The following PTPRM variants were observed in gnomAD, a reference collection of about 807,000 sequenced individuals.
The protein encoded by PTPRM is protein tyrosine phosphatase receptor type M, also known as receptor-type tyrosine-protein phosphatase mu.
A neutral mutation model predicts 186.7 loss-of-function variants in PTPRM; 47 were observed. The observed-to-expected ratio is 0.25, with a 90% CI of 0.20 to 0.32. The LOEUF (loss-of-function observed/expected upper bound fraction) is 0.32, where lower values mean the gene tolerates loss of function less well. Ranked by LOEUF, PTPRM falls within the 10% of genes least tolerant of loss-of-function variation. PTPRM has a pLI of 1.00. For missense variants in PTPRM, 1,494 were observed against 1,865.0 expected (o/e 0.80, Z 3.66); for synonymous variants, 668 against 674.9 (o/e 0.99, Z 0.16).
At chr18:7,852,102 G>C (rs2046888726) in intron 2 of PTPRM, among the ~76,000 whole-genome samples, 3 of 152,124 alleles carry the variant, frequency 2.0e-5, no homozygotes, top group Non-Finnish European at 4.4e-5. Context: ...GAGCAGTAAA[G>C]GGGAGATAAA....
At chr18:8,177,487 A>G (rs569798244) in intron 14 of PTPRM, among the ~76,000 whole-genome samples, 1 of 152,334 alleles carries the variant, frequency 6.6e-6, no homozygotes, top group African/African-American at 2.4e-5. Context: ...CTTATTTGAA[A>G]GTGATCTGAT....
chr18:8,347,763 G>A (rs140753478), intron 23 of PTPRM, among the ~76,000 whole-genome samples: 1 of 151,930 alleles, frequency 6.6e-6, no homozygotes, highest in African/African-American at 2.4e-5. Context: ...TAAGTCCGTA[G>A]ATTTAAAGTA....
At chr18:8,065,955 C>G (rs2089037834) in intron 7 of PTPRM, among the ~76,000 whole-genome samples, 1 of 152,108 alleles carries the variant, frequency 6.6e-6, no homozygotes, top group South Asian at 2.1e-4. Context: ...TCAGAGTGTT[C>G]AGTGATCATC....
intron 7 of PTPRM, among the ~76,000 whole-genome samples, chr18:8,038,826 T>C: frequency 6.6e-6 from 1 of 152,192 alleles, no homozygotes; most frequent in East Asian, 1.9e-4. Context: ...CCTACCCCAG[T>C]TTTAATTCTG....
At chr18:8,031,173 A>G (rs1446332836) in intron 7 of PTPRM, among the ~76,000 whole-genome samples, 1 of 152,236 alleles carries the variant, frequency 6.6e-6, no homozygotes, top group Admixed American at 6.5e-5. Context: ...CACTTTAGTT[A>G]GCACATGCTA....
chr18:8,303,754 C>G (rs1277836464), intron 20 of PTPRM, among the ~76,000 whole-genome samples: 1 of 152,176 alleles, frequency 6.6e-6, no homozygotes, highest in Non-Finnish European at 1.5e-5. Flanking sequence ...GAGCCACCAT[C>G]ATCGAACTCA....
chr18:8,056,670 C>T (rs1385045684), intron 7 of PTPRM, among the ~76,000 whole-genome samples: 1 of 150,686 alleles, frequency 6.6e-6, no homozygotes, highest in African/African-American at 2.4e-5. Flanking sequence ...TGCTTATTTA[C>T]ATTTAACTGG....
At chr18:7,972,070 A>T (rs1278569796) in intron 7 of PTPRM, among the ~76,000 whole-genome samples, 1 of 80,808 alleles carries the variant, frequency 1.2e-5, no homozygotes, top group Non-Finnish European at 2.1e-5. Flanking sequence ...CCAAATGTCC[A>T]ACAATGATAG....
chr18:8,178,167 T>G (rs2093514352), intron 14 of PTPRM, among the ~76,000 whole-genome samples: 1 of 152,148 alleles, frequency 6.6e-6, no homozygotes, highest in African/African-American at 2.4e-5. Context: ...ATTAGAATAT[T>G]AATCCAAATT....
In PTPRM at chr18:8,378,395, A is replaced by C; in HGVS notation, c.3593A>C (p.Gln1198Pro). 1.2e-6 allele frequency: 2 copies of C among 1,614,104 alleles called. No individual in the cohort carries two copies. Among genetic ancestry groups the C allele is most frequent in the Non-Finnish European group, 1.7e-6 (2 of 1,179,968 alleles). The part of the protein sequence containing the change: ...NKLDPQTNSS[Q>P]IKEEFRTLNM... ...CTGGATCCACAGACAAACTCAAGCCAGATTAAAGAGGAATTCCGGGTAAGT... is the reference window on the plus strand; with the variant it reads ...CTGGATCCACAGACAAACTCAAGCCCGATTAAAGAGGAATTCCGGGTAAGT... Residue 1198 changes from glutamine to proline, a missense_variant, in exon 27 of 33, where the codon CAG (glutamine) becomes CCG (proline). Transcript: ENST00000580170.
At chr18:7,916,821 T>C (rs2050587927) in intron 4 of PTPRM, among the ~76,000 whole-genome samples, 1 of 152,154 alleles carries the variant, frequency 6.6e-6, no homozygotes, top group Non-Finnish European at 1.5e-5. Context: ...TATTAATAGG[T>C]ATTTGCAAAT....
At chr18:7,663,586 G>T (rs1413432735) in intron 1 of PTPRM, among the ~76,000 whole-genome samples, 2 of 152,206 alleles carry the variant, frequency 1.3e-5, no homozygotes, top group Non-Finnish European at 2.9e-5. Context: ...AGGGTTCCGT[G>T]GGGGAAGGCT....
intron 7 of PTPRM, among the ~76,000 whole-genome samples, chr18:7,993,672 A>G (rs2083382047): frequency 6.6e-6 from 1 of 152,154 alleles, no homozygotes; most frequent in South Asian, 2.1e-4. Flanking sequence ...TTCCTAGACA[A>G]ACAAAAACTG....
Position 8,376,218 on chromosome 18 carries a change from G to C in PTPRM, c.3326+18G>C, listed in dbSNP as rs780695299. On this transcript the variant is annotated intron_variant, in intron 25 of 32. Transcript: ENST00000580170. The stretch of plus-strand genomic sequence containing the variant: ...CACTGCAGGTAAGCAGAGCTCCAGA[G>C]CCTCTTGAAGGAAACGCAGTGGGTG... 6.2e-7 allele frequency: 1 copy of C among 1,604,680 alleles called. No individual in the cohort carries two copies. Among genetic ancestry groups the C allele is most frequent in the Non-Finnish European group, 8.5e-7 (1 of 1,174,730 alleles).
chr18:7,653,361 T>G (rs2038768442), intron 1 of PTPRM, among the ~76,000 whole-genome samples: 2 of 152,036 alleles, frequency 1.3e-5, no homozygotes, highest in African/African-American at 4.8e-5. Flanking sequence ...GTGTATAGCT[T>G]TGTTATATAG....
chr18:8,097,441 C>A (rs1450595878), intron 11 of PTPRM, among the ~76,000 whole-genome samples: 1 of 152,114 alleles, frequency 6.6e-6, no homozygotes, highest in Non-Finnish European at 1.5e-5. Flanking sequence ...GAGCTCTGTC[C>A]AGTTATTAGT....
chr18:8,305,754 C>T (rs1013529786), intron 20 of PTPRM, among the ~76,000 whole-genome samples: 1 of 152,196 alleles, frequency 6.6e-6, no homozygotes, highest in African/African-American at 2.4e-5. Flanking sequence ...ATCTCCACCT[C>T]CTCTTCCCTG....
At chr18:7,946,982 G>A (rs1231194315) in intron 5 of PTPRM, 1 of 456,254 alleles carries the variant, frequency 2.2e-6, no homozygotes, top group South Asian at 1.5e-5. Context: ...CATCCTGTGA[G>A]TTTTACAGCA....
intron 2 of PTPRM, among the ~76,000 whole-genome samples, chr18:7,875,912 T>C (rs2048218298): frequency 6.6e-6 from 1 of 152,194 alleles, no homozygotes; most frequent in African/African-American, 2.4e-5. Flanking sequence ...ACCTAGGCTA[T>C]GTGGTATGGC....
Sources: allele counts gnomAD v4.1 joint callset (sites outside exome capture counted in the v4.1 genomes callset), GRCh38; gene constraint gnomAD v4.1.1; transcripts MANE v1.5; gene names NCBI Gene and HGNC (gene_info 2026-07-23, HGNC 2026-07-21).